NOS1AP: variants seen among roughly 807,000 people sequenced by gnomAD.
NOS1AP encodes the protein nitric oxide synthase 1 adaptor protein.
NOS1AP carries 21 observed loss-of-function variants against 56.2 expected under a neutral mutation model. That is an observed-to-expected ratio of 0.37 (90% CI 0.26 to 0.54). The LOEUF is 0.54. NOS1AP is among the 20% of genes least tolerant of loss of function. NOS1AP has a pLI of 0.84. For synonymous variants in NOS1AP, 270 were observed against 274.6 expected (o/e 0.98, Z 0.17); for missense variants, 522 against 657.8 (o/e 0.79, Z 2.26).
At chr1:162,353,096 A>G (rs1657577701) in intron 6 of NOS1AP, among the ~76,000 whole-genome samples, 2 of 148,104 alleles carry the variant, frequency 1.4e-5, no homozygotes, top group Admixed American at 6.8e-5. Flanking sequence ...GATCCTTCGA[A>G]TCCATCTCTT....
rs750457008 is a variant in NOS1AP, at chr1:162,367,413, T to A, written c.1467T>A (p.Asn489Lys). The change falls in exon 10 of 10, where the codon AAT (asparagine) becomes AAA (lysine). Residue 489 changes from asparagine (N) to lysine (K), a missense_variant. Transcript: ENST00000361897. This position sits in a 1 kb window ranked among gnomAD's most constrained non-coding sequence, Gnocchi z 6.5. ...AGGAGGAGCTGCCGCGCCTGCTGAA[T>A]GTCCTGCAGAGGCAGGAACTGGGCG... ...WSQEELPRLL[N>K]VLQRQELGDG... 6.3e-7 allele frequency: 1 copy of A among 1,593,456 alleles called. No individual in the cohort carries two copies. The highest frequency in any genetic ancestry group is 1.1e-5 in the South Asian group (1 of 89,182).
intron 2 of NOS1AP, among the ~76,000 whole-genome samples, chr1:162,251,880 T>TG (rs1163607999): frequency 1.5e-4 from 21 of 140,062 alleles, no homozygotes; most frequent in South Asian, 2.4e-4. Context: ...TTTTTTTTTT[T>TG]TTTTTTTTTG....
At chr1:162,315,500 A>G (rs1164217185) in intron 4 of NOS1AP, among the ~76,000 whole-genome samples, 1 of 152,190 alleles carries the variant, frequency 6.6e-6, no homozygotes, top group African/African-American at 2.4e-5. Flanking sequence ...TCAGACTGTG[A>G]GCCTTGGCTT....
intron 2 of NOS1AP, among the ~76,000 whole-genome samples, chr1:162,272,598 C>T (rs1347663555): frequency 6.6e-6 from 1 of 152,168 alleles, no homozygotes; most frequent in Non-Finnish European, 1.5e-5. Flanking sequence ...CATCAGCTGC[C>T]ACCCTGCAGG....
intron 1 of NOS1AP, among the ~76,000 whole-genome samples, chr1:162,138,295 G>A (rs538050747): frequency 6.6e-6 from 1 of 152,242 alleles, no homozygotes; most frequent in Non-Finnish European, 1.5e-5. Flanking sequence ...GTGGGGCGGT[G>A]GTGATGGTGG....
rs143510722 is a variant in NOS1AP, at chr1:162,261,354, C to G, written c.178-25990C>G. On this transcript the variant is annotated intron_variant, in intron 2 of 9. Transcript: ENST00000361897. Reference sequence around the variant, plus strand: ...ACCTTCTATGGCAGCAGGGAGTTTGCAGATTCTTAATGTGCAAACTTTTAA... The same window carrying G: ...ACCTTCTATGGCAGCAGGGAGTTTGGAGATTCTTAATGTGCAAACTTTTAA... 8.3e-3 allele frequency among the ~76,000 whole-genome samples: 1,123 copies of G among 135,266 alleles called. 206 individuals carry two copies. The highest frequency in any genetic ancestry group is 0.031 in the African/African-American group (1,061 of 34,222). 88.7% of individuals were successfully genotyped at this position (135,266 alleles called of 152,430 possible).
At chr1:162,200,159 T>C (rs2102165417) in intron 2 of NOS1AP, among the ~76,000 whole-genome samples, 1 of 152,330 alleles carries the variant, frequency 6.6e-6, no homozygotes, top group East Asian at 1.9e-4. Context: ...GTGGTGTTTC[T>C]GGGGAGAGGA....
intron 2 of NOS1AP, among the ~76,000 whole-genome samples, chr1:162,235,904 C>G (rs1433756970): frequency 1.3e-5 from 2 of 152,158 alleles, no homozygotes; most frequent in Admixed American, 6.5e-5. Flanking sequence ...AATATAGAAT[C>G]TGAGATCTAG....
intron 2 of NOS1AP, among the ~76,000 whole-genome samples, chr1:162,164,467 CA>C (rs1650382511): frequency 6.6e-6 from 1 of 152,158 alleles, no homozygotes; most frequent in Non-Finnish European, 1.5e-5. Flanking sequence ...ATGTATACCC[CA>C]ATGTTTTTCA....
At chr1:162,132,611 C>T (rs1337851022) in intron 1 of NOS1AP, among the ~76,000 whole-genome samples, 1 of 152,206 alleles carries the variant, frequency 6.6e-6, no homozygotes, top group African/African-American at 2.4e-5. Context: ...AATAATTGCT[C>T]AGCCTAATCT....
chr1:162,351,928 G>A (rs1249025324), intron 6 of NOS1AP, among the ~76,000 whole-genome samples: 1 of 152,092 alleles, frequency 6.6e-6, no homozygotes, highest in African/African-American at 2.4e-5. Flanking sequence ...GGTTCCTAAG[G>A]GCCACCTTTC....
chr1:162,201,695 T>C (rs960279650), intron 2 of NOS1AP, among the ~76,000 whole-genome samples: 5 of 152,236 alleles, frequency 3.3e-5, no homozygotes, highest in Non-Finnish European at 5.9e-5. Flanking sequence ...ATTTCTCCGG[T>C]CAGTGATATT....
At chr1:162,195,273 A>C (rs188305023) in intron 2 of NOS1AP, among the ~76,000 whole-genome samples, 1 of 152,298 alleles carries the variant, frequency 6.6e-6, no homozygotes, top group East Asian at 1.9e-4. Flanking sequence ...ACTATTTCTC[A>C]GCATGAAGTT....
At chr1:162,086,334 G>A (rs1381880061) in intron 1 of NOS1AP, among the ~76,000 whole-genome samples, 6 of 152,240 alleles carry the variant, frequency 3.9e-5, no homozygotes, top group South Asian at 2.1e-4. Flanking sequence ...GGTAGTGGTC[G>A]GAGCTAGGGA....
intron 6 of NOS1AP, among the ~76,000 whole-genome samples, chr1:162,354,382 T>A (rs1327918356): frequency 6.6e-6 from 1 of 152,190 alleles, no homozygotes; most frequent in African/African-American, 2.4e-5. Flanking sequence ...AGAAATAGGA[T>A]CAAGGAAGGA....
At chr1:162,245,667 T>C (rs536136269) in intron 2 of NOS1AP, among the ~76,000 whole-genome samples, 1 of 152,352 alleles carries the variant, frequency 6.6e-6, no homozygotes, top group East Asian at 1.9e-4. Context: ...TTTTTAGACA[T>C]TATTTTGTGA....
rs1658116703 is a variant in NOS1AP at position 162,367,182 on chromosome 1, C to G, written c.1236C>G (p.Ala412=). 6.2e-7 allele frequency: 1 copy of G among 1,613,790 alleles called. No individual in the cohort carries two copies. Among genetic ancestry groups the G allele is most frequent in the African/African-American group, 1.3e-5 (1 of 74,946 alleles). Residue 412 remains alanine (A), a synonymous_variant, in exon 10 of 10, where the codon GCC becomes GCG. Transcript: ENST00000361897. This position sits in a 1 kb window ranked among gnomAD's most constrained non-coding sequence, Gnocchi z 6.5. ...TGGGCGCGGGCTTGGCTGACTTTGC[C>G]CACCCTGCGGGCAGCCCCTTAGGTA... ...PPLGAGLADF[A]HPAGSPLGRR... is the part of the protein sequence containing the mutation.
chr1:162,087,823 C>T (rs146152318), intron 1 of NOS1AP, among the ~76,000 whole-genome samples: 50 of 152,274 alleles, frequency 3.3e-4, no homozygotes, highest in Non-Finnish European at 3.1e-4. Flanking sequence ...GTGTAAAGTG[C>T]CCTCTCTCTT....
intron 5 of NOS1AP, among the ~76,000 whole-genome samples, chr1:162,334,632 T>C (rs1656881451): frequency 6.6e-6 from 1 of 152,216 alleles, no homozygotes; most frequent in South Asian, 2.1e-4. Flanking sequence ...TTAATTCATT[T>C]TGAGTATTTG....
Sources: gnomAD v4.1 joint callset for allele counts (sites outside exome capture counted in the v4.1 genomes callset) on GRCh38, gnomAD v4.1.1 for gene constraint, Gnocchi (gnomAD v3.1) non-coding constraint, MANE v1.5 for transcripts, NCBI Gene and HGNC (gene_info 2026-07-23, HGNC 2026-07-21) for gene names.